Variants in PTPN5 observed in about 807,000 individuals in gnomAD.
PTPN5 encodes the protein tyrosine-protein phosphatase non-receptor type 5.
A neutral mutation model predicts 73.9 loss-of-function variants in PTPN5; 29 were observed. That is an observed-to-expected ratio of 0.39 (90% confidence interval 0.29 to 0.54). PTPN5 has a LOEUF of 0.54. Ranked by LOEUF, PTPN5 falls within the 20% of genes least tolerant of loss-of-function variation. The pLI is 0.65. For missense variants in PTPN5, 652 were observed against 751.4 expected, an observed-to-expected ratio of 0.87 and a Z score of 1.55; for synonymous variants, 267 against 304.7, an observed-to-expected ratio of 0.88 and a Z score of 1.29.
intron 3 of PTPN5, among the ~76,000 whole-genome samples, chr11:18,764,890 T>A (rs1308418625): frequency 6.6e-6 from 1 of 152,036 alleles, no homozygotes; most frequent in Non-Finnish European, 1.5e-5. Flanking sequence ...TTTTTTGTAT[T>A]TTTAGTAGAG....
At chr11:18,791,138 T>C (rs917105003) in intron 1 of PTPN5, among the ~76,000 whole-genome samples, 2 of 152,178 alleles carry the variant, frequency 1.3e-5, no homozygotes, top group African/African-American at 4.8e-5. Context: ...GCCAGAAGGC[T>C]AGCGGCGATT....
intron 8 of PTPN5, among the ~76,000 whole-genome samples, chr11:18,740,252 G>GA (rs1849302840): frequency 6.6e-6 from 1 of 152,196 alleles, no homozygotes; most frequent in South Asian, 2.1e-4. Flanking sequence ...AGGAAAGTGG[G>GA]AAAACAGAAG....
intron 3 of PTPN5, among the ~76,000 whole-genome samples, chr11:18,747,874 G>T (rs112523505): frequency 1.7e-3 from 262 of 152,310 alleles, no homozygotes; most frequent in Non-Finnish European, 2.5e-3. Context: ...GCATGGAGCA[G>T]TGAACTCTTG....
chr11:18,746,559 C>A (rs1849651043), intron 3 of PTPN5, among the ~76,000 whole-genome samples: 1 of 140,722 alleles, frequency 7.1e-6, no homozygotes, highest in Non-Finnish European at 1.5e-5. Context: ...TAGTAAGTAC[C>A]CAATAAATGG....
intron 1 of PTPN5, among the ~76,000 whole-genome samples, chr11:18,786,106 C>T (rs1187211032): frequency 6.6e-6 from 1 of 152,204 alleles, no homozygotes; most frequent in Non-Finnish European, 1.5e-5. Context: ...TTGGAAATTA[C>T]TGAGTTTTGC....
chr11:18,764,957 C>T (rs1479730264), intron 3 of PTPN5, among the ~76,000 whole-genome samples: 1 of 152,170 alleles, frequency 6.6e-6, no homozygotes, highest in East Asian at 1.9e-4. Flanking sequence ...CGTGATCTGC[C>T]CGCCTTGGCC....
intron 1 of PTPN5, among the ~76,000 whole-genome samples, chr11:18,772,567 T>C (rs1430896803): frequency 6.6e-6 from 1 of 152,180 alleles, no homozygotes; most frequent in Non-Finnish European, 1.5e-5. Context: ...ATGACTTCCC[T>C]TCCATCCCTC....
chr11:18,764,703 T>TC (rs1850554375), intron 3 of PTPN5, among the ~76,000 whole-genome samples: 1 of 145,018 alleles, frequency 6.9e-6, no homozygotes, highest in South Asian at 2.1e-4. Context: ...CTTGTCTTTG[T>TC]TTTGTTTTGT....
At chr11:18,771,139 A>C (rs1034860318) in intron 2 of PTPN5, among the ~76,000 whole-genome samples, 4 of 152,098 alleles carry the variant, frequency 2.6e-5, no homozygotes, top group Admixed American at 6.5e-5. Flanking sequence ...GGCTGAGCCA[A>C]GCCCAGGCAG....
At position 18,777,985 on chromosome 11, in the gene PTPN5, A is replaced by AG. The variant is rs1252917291; in HGVS notation, c.-113-5915dup. On this transcript the variant is annotated intron_variant, in intron 1 of 14. Coordinates refer to ENST00000358540, the MANE Select transcript of PTPN5 (RefSeq NM_006906.2). ...AAGGAAGGAAGGAAGGAAGAAAGAAAGAAAGAAAGGAAGGAAGGAAGGAAG... is the reference window on the plus strand; with the variant it reads ...AAGGAAGGAAGGAAGGAAGAAAGAAAGGAAAGAAAGGAAGGAAGGAAGGAAG... Among the ~76,000 whole-genome samples, 378 of 139,340 alleles carry AG rather than the reference A, an allele frequency of 2.7e-3. 1 individual carries two copies. Among genetic ancestry groups the AG allele is most frequent in the Non-Finnish European group, 4.4e-3 (287 of 65,430 alleles). 91.4% of individuals were successfully genotyped at this position (139,340 alleles called of 152,430 possible). A position where few individuals can be genotyped will look rare whatever the true frequency, so the allele number is the denominator to read the frequency against.
chr11:18,787,814 T>G (rs977739763), intron 1 of PTPN5, among the ~76,000 whole-genome samples: 2 of 152,214 alleles, frequency 1.3e-5, no homozygotes, highest in Admixed American at 6.5e-5. Flanking sequence ...CTGGTAGAGC[T>G]TGGGCAGGAA....
At chr11:18,750,239 C>T (rs1157507651) in intron 3 of PTPN5, among the ~76,000 whole-genome samples, 4 of 152,188 alleles carry the variant, frequency 2.6e-5, no homozygotes, top group African/African-American at 7.2e-5. Flanking sequence ...AGAAGGTAGG[C>T]GCTGCTCTTA....
At chr11:18,768,098 C>T (rs1051256501) in intron 2 of PTPN5, among the ~76,000 whole-genome samples, 6 of 152,154 alleles carry the variant, frequency 3.9e-5, no homozygotes, top group East Asian at 1.9e-4. Context: ...GTGCCTGGTT[C>T]GTAGTAGGAT....
At position 18,771,930 on chromosome 11, in the gene PTPN5, C is replaced by T. The variant is rs765536365; in HGVS notation, c.20+9G>A. 3 of 1,594,112 alleles carry T rather than the reference C, an allele frequency of 1.9e-6. No homozygotes were observed. The East Asian group carries it at 7.0e-5, about 37-fold the overall frequency. On this transcript the variant is annotated intron_variant, in intron 2 of 14. Transcript: ENST00000358540. ...GGGTTGCAGGGGGACGGCGTAAACG[C>T]TCACTCACCTGGCTCCCTCATAATT...
chr11:18,780,474 C>A (rs1055750918), intron 1 of PTPN5, among the ~76,000 whole-genome samples: 5 of 152,114 alleles, frequency 3.3e-5, no homozygotes, highest in Non-Finnish European at 1.5e-5. Flanking sequence ...GCCCCTGCCC[C>A]CCGCCTAATT....
chr11:18,743,243 A>T, intron 5 of PTPN5, 79 bp downstream of exon 5: 2 of 1,419,244 alleles, frequency 1.4e-6, no homozygotes, highest in Non-Finnish European at 2.0e-6. Flanking sequence ...AGAGAAGCCC[A>T]ATCTGGAGGT....
intron 3 of PTPN5, among the ~76,000 whole-genome samples, chr11:18,761,974 C>T (rs1850414423): frequency 6.6e-6 from 1 of 152,098 alleles, no homozygotes; most frequent in African/African-American, 2.4e-5. Flanking sequence ...GCATGTGCAT[C>T]GGGGAGCATG....
chr11:18,739,922 A>G (rs1477149102), intron 8 of PTPN5, among the ~76,000 whole-genome samples: 3 of 152,174 alleles, frequency 2.0e-5, no homozygotes, highest in African/African-American at 4.8e-5. Context: ...TGGAGGGTGG[A>G]AAGTGCATGT....
rs936205572 is a variant in PTPN5, at chr11:18,733,071, C to G, written c.1218+164G>C. On this transcript the variant is annotated intron_variant, in intron 11 of 14. Transcript: ENST00000358540. This position sits in a 1 kb window ranked among gnomAD's most constrained non-coding sequence, Gnocchi z 4.3. ...CAGGCATGCCTCTATCTGTGAAGCCCGGGGCAAATGACTTAACCTTACCGA... is the reference window on the plus strand; with the variant it reads ...CAGGCATGCCTCTATCTGTGAAGCCGGGGGCAAATGACTTAACCTTACCGA... 6.6e-6 allele frequency among the ~76,000 whole-genome samples: 1 copy of G among 152,164 alleles called. No homozygotes were observed. Among genetic ancestry groups the G allele is most frequent in the African/African-American group, 2.4e-5 (1 of 41,422 alleles).
Sources: gnomAD v4.1 joint callset for allele counts (sites outside exome capture counted in the v4.1 genomes callset) on GRCh38, gnomAD v4.1.1 for gene constraint, Gnocchi (gnomAD v3.1) non-coding constraint, MANE v1.5 for transcripts, NCBI Gene and HGNC (gene_info 2026-07-23, HGNC 2026-07-21) for gene names.